The following FARS2 variants were observed in gnomAD, a reference collection of about 807,000 sequenced individuals.
FARS2 encodes the protein phenylalanyl-tRNA synthetase 2, mitochondrial.
Under a neutral mutation model 46.4 loss-of-function variants are expected in FARS2, and 40 were observed. The ratio of observed to expected loss-of-function variants is 0.86; its 90% confidence interval spans 0.67 to 1.12. The LOEUF (loss-of-function observed/expected upper bound fraction) is 1.12, where lower values mean the gene tolerates loss of function less well. Among genes scored for constraint, FARS2 ranks in the 50% most tolerant of loss-of-function variants. The pLI is 0.00. For missense variants in FARS2, 513 were observed against 567.9 expected, an observed-to-expected ratio of 0.90 and a Z score of 0.98; for synonymous variants, 234 against 214.9, an observed-to-expected ratio of 1.09 and a Z score of -0.78.
At chr6:5,686,271 A>G (rs1757200473) in intron 6 of FARS2, among the ~76,000 whole-genome samples, 1 of 152,014 alleles carries the variant, frequency 6.6e-6, no homozygotes, top group South Asian at 2.1e-4. Flanking sequence ...TTACATATGT[A>G]TACATGTGCC....
At chr6:5,686,925 T>A (rs1429030268) in intron 6 of FARS2, among the ~76,000 whole-genome samples, 2 of 152,218 alleles carry the variant, frequency 1.3e-5, no homozygotes, top group Non-Finnish European at 2.9e-5. Flanking sequence ...CTCATTGTGG[T>A]TTTGATTTGC....
At chr6:5,622,542 A>G (rs1775827461) in intron 6 of FARS2, among the ~76,000 whole-genome samples, 1 of 152,200 alleles carries the variant, frequency 6.6e-6, no homozygotes, top group Non-Finnish European at 1.5e-5. Flanking sequence ...GCCCTCATGA[A>G]TGGGATTCGT....
At chr6:5,283,389 A>C (rs1026544541) in intron 1 of FARS2, among the ~76,000 whole-genome samples, 27 of 151,002 alleles carry the variant, frequency 1.8e-4, no homozygotes, top group Admixed American at 8.6e-4. Flanking sequence ...AAAAAAAAAA[A>C]AAAAAACAAA....
At chr6:5,601,672 G>T (rs941093131) in intron 5 of FARS2, among the ~76,000 whole-genome samples, 4 of 152,214 alleles carry the variant, frequency 2.6e-5, no homozygotes, top group East Asian at 1.9e-4. Flanking sequence ...CTTAGTTAAG[G>T]TCTCTAAGTC....
intron 4 of FARS2, among the ~76,000 whole-genome samples, chr6:5,466,401 C>T (rs549831251): frequency 5.3e-5 from 8 of 152,136 alleles, no homozygotes; most frequent in Non-Finnish European, 7.3e-5. Flanking sequence ...TCCTGTTGCC[C>T]CCACTAGATG....
At chr6:5,667,685 C>T (rs1347365373) in intron 6 of FARS2, among the ~76,000 whole-genome samples, 1 of 152,172 alleles carries the variant, frequency 6.6e-6, no homozygotes, top group Admixed American at 6.5e-5. Flanking sequence ...CCATAGAATT[C>T]TAGAACATCA....
At chr6:5,681,723 A>G (rs745456186) in intron 6 of FARS2, among the ~76,000 whole-genome samples, 1 of 152,206 alleles carries the variant, frequency 6.6e-6, no homozygotes, top group Non-Finnish European at 1.5e-5. Context: ...TCGAAGAAAT[A>G]AAACAGGCTC....
At chr6:5,610,360 A>C (rs1187734022) in intron 5 of FARS2, among the ~76,000 whole-genome samples, 1 of 152,118 alleles carries the variant, frequency 6.6e-6, no homozygotes, top group Non-Finnish European at 1.5e-5. Context: ...AGAACACATC[A>C]ATGCAGTCAG....
chr6:5,394,774 T>A (rs1392921893), intron 2 of FARS2, among the ~76,000 whole-genome samples: 2 of 151,878 alleles, frequency 1.3e-5, no homozygotes, highest in African/African-American at 4.8e-5. Context: ...AGTGTTTTTT[T>A]TTAAAAAAAA....
At chr6:5,639,504 TGAG>T (rs1776704471) in intron 6 of FARS2, among the ~76,000 whole-genome samples, 1 of 152,240 alleles carries the variant, frequency 6.6e-6, no homozygotes, top group Non-Finnish European at 1.5e-5. Context: ...TTTTCAAGAA[TGAG>T]AAGTAGATTT....
intron 1 of FARS2, among the ~76,000 whole-genome samples, chr6:5,288,892 G>A (rs1033651927): frequency 6.6e-6 from 1 of 152,158 alleles, no homozygotes; most frequent in African/African-American, 2.4e-5. Flanking sequence ...TCATGAAAAT[G>A]TTGCAAATTT....
At chr6:5,251,925 C>T in the FARS2 span, among the ~76,000 whole-genome samples, 80 of 152,320 alleles carry the variant, frequency 5.3e-4, no homozygotes, top group Middle Eastern at 6.8e-3. Flanking sequence ...TGGATTGCGA[C>T]TGGTAATATA....
chr6:5,303,482 C>T (rs1768468884), intron 1 of FARS2, among the ~76,000 whole-genome samples: 3 of 152,024 alleles, frequency 2.0e-5, no homozygotes, highest in Admixed American at 1.3e-4. Flanking sequence ...GAGCGCACAC[C>T]TTTACCTCCT....
chr6:5,260,446 A>T (rs1764976734), upstream of FARS2, among the ~76,000 whole-genome samples: 1 of 152,254 alleles, frequency 6.6e-6, no homozygotes, highest in African/African-American at 2.4e-5. Flanking sequence ...CCCCTGGTAG[A>T]AAGAAAGGCT....
At chr6:5,547,569 T>C (rs1277257072) in intron 5 of FARS2, among the ~76,000 whole-genome samples, 1 of 152,178 alleles carries the variant, frequency 6.6e-6, no homozygotes, top group African/African-American at 2.4e-5. Flanking sequence ...TGCAGCAGAG[T>C]TTGGGATCTA....
In FARS2 at chr6:5,471,850, G is replaced by A. The variant is rs552912971; in HGVS notation, c.904+40678G>A. Among the ~76,000 whole-genome samples, 1 of 152,184 alleles carries A rather than the reference G, an allele frequency of 6.6e-6. No individual in the cohort carries two copies. Among genetic ancestry groups the A allele is most frequent in the Non-Finnish European group, 1.5e-5 (1 of 68,030 alleles). On this transcript the variant is annotated intron_variant, in intron 4 of 6. Coordinates refer to ENST00000274680, the MANE Select transcript of FARS2 (RefSeq NM_006567.5). This position sits in a 1 kb window ranked among gnomAD's most constrained non-coding sequence, Gnocchi z 4.1. ...TTGAGCCCAGGGAAGCTGCAGTGTGGTGCAGCAGATGCGTACTGGTGGTTG... is the reference window on the plus strand; with the variant it reads ...TTGAGCCCAGGGAAGCTGCAGTGTGATGCAGCAGATGCGTACTGGTGGTTG...
intron 6 of FARS2, among the ~76,000 whole-genome samples, chr6:5,651,356 C>G (rs1777352760): frequency 6.6e-6 from 1 of 152,142 alleles, no homozygotes; most frequent in Non-Finnish European, 1.5e-5. Context: ...GGAGCAGAAC[C>G]CTCGATTTTC....
chr6:5,709,920 A>G (rs745511355), intron 6 of FARS2, among the ~76,000 whole-genome samples: 17 of 152,184 alleles, frequency 1.1e-4, no homozygotes, highest in South Asian at 2.1e-4. Flanking sequence ...TAGCTTGCCC[A>G]GGATGAGGGG....
chr6:5,381,370 A>AACACACACACACACACAC (rs3057175), intron 2 of FARS2, among the ~76,000 whole-genome samples: 1 of 132,904 alleles, frequency 7.5e-6, no homozygotes. Context: ...ACTCCCCAGA[A>AACACACACACACACACAC]ACACACACAC....
Sources: gnomAD v4.1 joint callset for allele counts (sites outside exome capture counted in the v4.1 genomes callset) on GRCh38, gnomAD v4.1.1 for gene constraint, Gnocchi (gnomAD v3.1) non-coding constraint, MANE v1.5 for transcripts, NCBI Gene and HGNC (gene_info 2026-07-23, HGNC 2026-07-21) for gene names.